The following SOD3 variants were observed in gnomAD, a reference collection of about 807,000 sequenced individuals.
SOD3 encodes the protein extracellular superoxide dismutase [Cu-Zn].
Under a neutral mutation model 2.6 loss-of-function variants are expected in SOD3, and 3 were observed. That is an observed-to-expected ratio of 1.13 (90% CI 0.52 to 2.93). The LOEUF is 2.93. SOD3 is among the 30% of genes most tolerant of loss of function. SOD3 has a pLI of 0.04. For missense variants in SOD3, 379 were observed against 370.4 expected, an observed-to-expected ratio of 1.02 and a Z score of -0.19; for synonymous variants, 188 against 177.5, an observed-to-expected ratio of 1.06 and a Z score of -0.47.
At chr4:24,797,440 C>T (rs373319120) in intron 1 of SOD3, among the ~76,000 whole-genome samples, 66 of 152,332 alleles carry the variant, frequency 4.3e-4, no homozygotes, top group Admixed American at 1.6e-3. Context: ...AATTAACCCA[C>T]GCACAGTACT....
intron 1 of SOD3, among the ~76,000 whole-genome samples, chr4:24,796,912 G>A (rs1429887470): frequency 6.6e-6 from 1 of 152,146 alleles, no homozygotes; most frequent in Non-Finnish European, 1.5e-5. Flanking sequence ...TGGCAGGGCT[G>A]TCTTAGGAGG....
intron 1 of SOD3, among the ~76,000 whole-genome samples, chr4:24,796,027 C>A (rs1398310017): frequency 6.6e-6 from 1 of 152,144 alleles, no homozygotes; most frequent in African/African-American, 2.4e-5. Flanking sequence ...CAGAGAGGCC[C>A]TGGCCAGCTC....
rs369143625 is a variant in SOD3, at chr4:24,799,714, G to A, written c.193G>A (p.Val65Met). ...CGGCGCGCTCCACGCCGCCTGCCAG[G>A]TGCAGCCGTCGGCCACGCTGGACGC... is the stretch of plus-strand genomic sequence containing the variant. ...DDGALHAACQ[V>M]QPSATLDAAQ... The change falls in exon 2 of 2, where the codon GTG becomes ATG. Residue 65 changes from valine to methionine, a missense_variant. Physicochemically the swap from Val to Met is conservative, Grantham distance 21. Coordinates refer to ENST00000382120, the MANE Select transcript of SOD3 (RefSeq NM_003102.4). 1.3e-6 allele frequency: 2 copies of A among 1,569,912 alleles called. No homozygotes were observed. Among genetic ancestry groups the A allele is most frequent in the African/African-American group, 1.3e-5 (1 of 74,148 alleles).
chr4:24,798,662 C>T (rs1408140509), intron 1 of SOD3, among the ~76,000 whole-genome samples: 1 of 152,178 alleles, frequency 6.6e-6, no homozygotes, highest in Non-Finnish European at 1.5e-5. Flanking sequence ...ACTATCTCAT[C>T]ACCCACTTTT....
At position 24,799,397 on chromosome 4, in the gene SOD3, G is replaced by A. The variant is rs987321251; in HGVS notation, c.-16-109G>A. 55 of 1,302,326 alleles carry A rather than the reference G, an allele frequency of 4.2e-5. No homozygotes were observed. In the Middle Eastern group the frequency reaches 1.6e-3, roughly 38 times the overall value. 80.7% of individuals were successfully genotyped at this position (1,302,326 alleles called of 1,614,324 possible). A position where few individuals can be genotyped will look rare whatever the true frequency, so the allele number is the denominator to read the frequency against. ...GAAGTCATGCCCACTGGGCCAGGAA[G>A]CCCACTGGGGACTGGGGGGTTGGTT... is the stretch of plus-strand genomic sequence containing the variant. On this transcript the variant is annotated intron_variant, in intron 1 of 1. Coordinates refer to ENST00000382120, the MANE Select transcript of SOD3 (RefSeq NM_003102.4).
chr4:24,799,941 G>C lies in SOD3; in HGVS notation c.420G>C (p.Pro140=). The C allele has an allele frequency of 6.3e-7, 1 of 1,594,578 alleles. No individual in the cohort carries two copies. The highest frequency in any genetic ancestry group is 8.5e-7 in the Non-Finnish European group (1 of 1,177,136). The change falls in exon 2 of 2, where the codon CCG becomes CCC. Residue 140 remains proline, a synonymous_variant. Transcript: ENST00000382120. ...ACAACCCGCTGGCCGTGCCGCACCC[G>C]CAGCACCCGGGCGACTTCGGCAACT... The part of the protein sequence containing the change: ...PHYNPLAVPH[P]QHPGDFGNFA...
intron 1 of SOD3, 105 bp from the exon 2 acceptor site, chr4:24,799,401 A>T: frequency 7.4e-7 from 1 of 1,351,424 alleles, no homozygotes; most frequent in African/African-American, 1.5e-5. Context: ...CAGGAAGCCC[A>T]CTGGGGACTG....
chr4:24,799,335 C>T (rs1189404162), intron 1 of SOD3, among the ~76,000 whole-genome samples, 171 bp from the exon 2 acceptor site: 3 of 152,162 alleles, frequency 2.0e-5, no homozygotes, highest in Non-Finnish European at 2.9e-5. Context: ...ACACAGTGCC[C>T]GGCACACAGC....
chr4:24,796,023 G>C (rs1713648797), intron 1 of SOD3, among the ~76,000 whole-genome samples: 4 of 152,184 alleles, frequency 2.6e-5, no homozygotes, highest in Admixed American at 2.6e-4. Flanking sequence ...AAAGCAGAGA[G>C]GCCCTGGCCA....
Position 24,800,115 on chromosome 4 carries a change from C to G in SOD3, c.594C>G (p.Asn198Lys). ...GCGGCAACCAGGCCAGCGTGGAGAA[C>G]GGGAACGCGGGCCGGCGGCTGGCCT... ...GRGGNQASVE[N>K]GNAGRRLACC... is the part of the protein sequence containing the mutation. The change falls in exon 2 of 2, where the codon AAC (asparagine) becomes AAG (lysine). Residue 198 changes from asparagine to lysine, a missense_variant. Transcript: ENST00000382120. 7.3e-7 allele frequency: 1 copy of G among 1,379,222 alleles called. No homozygotes were observed. Among genetic ancestry groups the G allele is most frequent in the Non-Finnish European group, 9.3e-7 (1 of 1,077,102 alleles). 85.4% of individuals were successfully genotyped at this position (1,379,222 alleles called of 1,614,324 possible).
In SOD3 at chr4:24,800,192, A is replaced by G. The variant is rs2109071735; in HGVS notation, c.671A>G (p.Glu224Gly). The G allele has an allele frequency of 7.0e-7, 1 of 1,430,992 alleles. No individual in the cohort carries two copies. Among genetic ancestry groups the G allele is most frequent in the South Asian group, 1.4e-5 (1 of 68,998 alleles). 88.6% of individuals were successfully genotyped at this position (1,430,992 alleles called of 1,614,324 possible). The change falls in exon 2 of 2, where the codon GAG becomes GGG. Residue 224 changes from glutamate to glycine, a missense_variant. Physicochemically the swap from Glu to Gly is moderately conservative, Grantham distance 98. Transcript: ENST00000382120. ...GGGCTCTGGGAGCGCCAGGCGCGGG[A>G]GCACTCAGAGCGCAAGAAGCGGCGG... is the stretch of plus-strand genomic sequence containing the variant. ...GPGLWERQAR[E>G]HSERKKRRRE... is the part of the protein sequence containing the mutation.
Position 24,799,533 on chromosome 4 carries a change from A to G in SOD3, c.12A>G (p.Leu4=), listed in dbSNP as rs375995275. ...GCCCGACTCCAGCCATGCTGGCGCT[A>G]CTGTGTTCCTGCCTGCTCCTGGCAG... is the stretch of plus-strand genomic sequence containing the variant. MLA[L]LCSCLLLAAG... is the part of the protein sequence containing the mutation. The change falls in exon 2 of 2, where the codon CTA becomes CTG. Residue 4 remains leucine, a synonymous_variant. Transcript: ENST00000382120. 1.9e-6 allele frequency: 3 copies of G among 1,599,694 alleles called. No individual in the cohort carries two copies. Among genetic ancestry groups the G allele is most frequent in the Admixed American group, 1.7e-5 (1 of 59,824 alleles).
chr4:24,799,748 C>T lies in SOD3; in HGVS notation c.227C>T (p.Pro76Leu). Residue 76 changes from proline (P) to leucine (L), a missense_variant, in exon 2 of 2, where the codon CCC (proline) becomes CTC (leucine). Physicochemically the swap from Pro to Leu is moderately conservative, Grantham distance 98. Transcript: ENST00000382120. ...QPSATLDAAQ[P>L]RVTGVVLFRQ... Reference sequence around the variant, plus strand: ...TCGGCCACGCTGGACGCCGCGCAGCCCCGGGTGACCGGCGTCGTCCTCTTC... The same window carrying T: ...TCGGCCACGCTGGACGCCGCGCAGCTCCGGGTGACCGGCGTCGTCCTCTTC... 6.4e-7 allele frequency: 1 copy of T among 1,562,484 alleles called. No homozygotes were observed. Among genetic ancestry groups the T allele is most frequent in the African/African-American group, 1.4e-5 (1 of 74,038 alleles).
intron 1 of SOD3, among the ~76,000 whole-genome samples, chr4:24,796,510 G>A (rs926037792): frequency 1.7e-4 from 22 of 127,434 alleles, no homozygotes; most frequent in South Asian, 5.4e-4. Flanking sequence ...GAATGTAGTG[G>A]CACGATCACT....
At chr4:24,798,241 G>A (rs800444) in intron 1 of SOD3, among the ~76,000 whole-genome samples, 144,885 of 152,162 alleles carry the variant, frequency 0.95, 69,048 homozygotes, top group East Asian at 1. Context: ...CCAAGTTTCC[G>A]ACTGTCTGCC....
At chr4:24,797,379 A>G (rs937565855) in intron 1 of SOD3, among the ~76,000 whole-genome samples, 18 of 152,210 alleles carry the variant, frequency 1.2e-4, no homozygotes, top group African/African-American at 4.1e-4. Flanking sequence ...TCAGTTTCCT[A>G]CACTTTAGAA....
Position 24,800,410 on chromosome 4 carries a change from A to C in SOD3, c.*166A>C. Reference sequence around the variant, plus strand: ...CAGAGGTCTCCCTATACCGAGACCCACCATCCTTCCATCCTGAGGACCGCC... The same window carrying C: ...CAGAGGTCTCCCTATACCGAGACCCCCCATCCTTCCATCCTGAGGACCGCC... On this transcript the variant is annotated 3_prime_UTR_variant, in exon 2 of 2. Coordinates refer to ENST00000382120, the MANE Select transcript of SOD3 (RefSeq NM_003102.4). The C allele has an allele frequency of 1.5e-6, 1 of 651,030 alleles. No individual in the cohort carries two copies. Among genetic ancestry groups the C allele is most frequent in the Non-Finnish European group, 2.3e-6 (1 of 441,486 alleles). The allele number at this position is 651,030 out of a possible 1,614,324, so 40.3% of individuals were successfully genotyped here.
At chr4:24,795,915 G>A (rs1167457389) in intron 1 of SOD3, among the ~76,000 whole-genome samples, 1 of 152,114 alleles carries the variant, frequency 6.6e-6, no homozygotes, top group African/African-American at 2.4e-5. Flanking sequence ...AAAGGAATCT[G>A]GAGTGACGAG....
At chr4:24,797,584 G>A (rs1374090966) in intron 1 of SOD3, among the ~76,000 whole-genome samples, 2 of 152,146 alleles carry the variant, frequency 1.3e-5, no homozygotes, top group African/African-American at 2.4e-5. Flanking sequence ...AGGTTCACAG[G>A]GGATGAGACA....
Sources: allele counts gnomAD v4.1 joint callset (sites outside exome capture counted in the v4.1 genomes callset), GRCh38; gene constraint gnomAD v4.1.1; transcripts MANE v1.5; gene names NCBI Gene and HGNC (gene_info 2026-07-23, HGNC 2026-07-21).